Variants in CLCN3 observed in about 807,000 individuals in gnomAD.
CLCN3 encodes the protein Cl-/H+ antiporter 3, also known as H(+)/Cl(-) exchange transporter 3.
In CLCN3, 16 loss-of-function variants were observed where a neutral mutation model predicts 83.4. That is an observed-to-expected ratio of 0.19 (90% confidence interval 0.13 to 0.29). CLCN3 has a LOEUF of 0.29. CLCN3 is among the 10% of genes least tolerant of loss of function. The pLI is 1.00. For missense variants in CLCN3, 544 were observed against 1,006.0 expected (o/e 0.54, Z 6.21); for synonymous variants, 322 against 346.2 (o/e 0.93, Z 0.78).
intron 1 of CLCN3, among the ~76,000 whole-genome samples, chr4:169,624,280 C>T (rs113841075): frequency 0.074 from 11,198 of 152,126 alleles, 466 homozygotes; most frequent in African/African-American, 0.12. Flanking sequence ...ATTACAGGCA[C>T]GCGCCACCAC....
Position 169,684,720 on chromosome 4 carries a change from A to T in CLCN3, c.319-2938A>T, listed in dbSNP as rs550928737. The stretch of plus-strand genomic sequence containing the variant: ...GTTTCTAGCCTCCTAAGTTTATATG[A>T]CTGTACTAATTTGAATTCATAACTA... On this transcript the variant is annotated intron_variant, in intron 3 of 12. Transcript: ENST00000513761. 9.5e-4 allele frequency among the ~76,000 whole-genome samples: 144 copies of T among 152,310 alleles called. 1 individual carries two copies. The highest frequency in any genetic ancestry group is 3.3e-3 in the African/African-American group (139 of 41,576).
intron 11 of CLCN3, among the ~76,000 whole-genome samples, chr4:169,710,879 G>C (rs1733186875): frequency 6.6e-6 from 1 of 151,976 alleles, no homozygotes; most frequent in Admixed American, 6.5e-5. Flanking sequence ...TACTGTTTTA[G>C]AGATGAGGTC....
intron 4 of CLCN3, among the ~76,000 whole-genome samples, chr4:169,687,991 A>C (rs1238539263): frequency 6.6e-6 from 1 of 152,218 alleles, no homozygotes; most frequent in African/African-American, 2.4e-5. Context: ...CTCAGTTTCT[A>C]TATCTGTAAA....
intron 1 of CLCN3, among the ~76,000 whole-genome samples, chr4:169,629,472 G>T (rs1773314577): frequency 6.6e-6 from 1 of 152,034 alleles, no homozygotes; most frequent in Non-Finnish European, 1.5e-5. Flanking sequence ...CTGGGCTCAA[G>T]TGATTCTTCT....
intron 2 of CLCN3, chr4:169,663,158 T>TA (rs1731118065): frequency 9.4e-6 from 1 of 106,454 alleles, no homozygotes; most frequent in Non-Finnish European, 1.8e-5. Flanking sequence ...TGTATATATA[T>TA]GTGTGTGTGT....
rs761593001 is a variant in CLCN3 at position 169,662,304 on chromosome 4, T to C, written c.161-17746T>C. 9.4e-4 allele frequency among the ~76,000 whole-genome samples: 143 copies of C among 152,334 alleles called. 1 individual carries two copies. Among genetic ancestry groups the C allele is most frequent in the Non-Finnish European group, 1.9e-3 (130 of 68,006 alleles). On this transcript the variant is annotated intron_variant, in intron 2 of 12. Coordinates refer to ENST00000513761, the MANE Select transcript of CLCN3 (RefSeq NM_001829.4). ...GACTTATTCTATTAATATAAGTCAT[T>C]GTTATTTGAAAGTAACATTGTGTAT... is the stretch of plus-strand genomic sequence containing the variant.
intron 1 of CLCN3, among the ~76,000 whole-genome samples, chr4:169,632,792 A>T (rs2150200450): frequency 6.7e-6 from 1 of 150,324 alleles, no homozygotes; most frequent in Admixed American, 6.7e-5. Context: ...TTTCTGCTAT[A>T]TTAAAGAGTT....
chr4:169,708,549 T>C (rs963631449), intron 11 of CLCN3, among the ~76,000 whole-genome samples: 2 of 152,164 alleles, frequency 1.3e-5, no homozygotes, highest in African/African-American at 2.4e-5. Context: ...AATTTCATTG[T>C]TTAAGATTCC....
chr4:169,654,692 TA>T (rs1292422147), intron 2 of CLCN3, among the ~76,000 whole-genome samples: 1 of 152,184 alleles, frequency 6.6e-6, no homozygotes, highest in Non-Finnish European at 1.5e-5. Context: ...TTTATAACAT[TA>T]TTGCATCGCG....
chr4:169,692,817 C>G (rs1732421042), intron 7 of CLCN3, among the ~76,000 whole-genome samples: 3 of 152,166 alleles, frequency 2.0e-5, no homozygotes, highest in Admixed American at 2.0e-4. Context: ...ATCAGAAATT[C>G]ACATTAAAGA....
intron 11 of CLCN3, among the ~76,000 whole-genome samples, chr4:169,707,976 C>T (rs774092461): frequency 3.4e-4 from 52 of 152,154 alleles, no homozygotes; most frequent in Admixed American, 1.8e-3. Context: ...GATGAGGAGA[C>T]CATTAAGACT....
chr4:169,691,188 T>TG (rs1313032303), intron 6 of CLCN3, among the ~76,000 whole-genome samples: 1 of 151,758 alleles, frequency 6.6e-6, no homozygotes, highest in African/African-American at 2.4e-5. Context: ...TTTGTTTGTT[T>TG]TTTTTTTTTA....
chr4:169,686,108 G>T (rs1201241515), intron 3 of CLCN3, among the ~76,000 whole-genome samples: 1 of 152,056 alleles, frequency 6.6e-6, no homozygotes, highest in African/African-American at 2.4e-5. Context: ...TCACTCATAG[G>T]TGGGAATTGA....
intron 5 of CLCN3, 117 bp downstream of exon 5, chr4:169,689,347 A>G: frequency 1.3e-6 from 1 of 767,174 alleles, no homozygotes. Flanking sequence ...AAATGGATCC[A>G]CCCTCAACAC....
chr4:169,709,579 G>C (rs1443418956), intron 11 of CLCN3, among the ~76,000 whole-genome samples: 1 of 151,824 alleles, frequency 6.6e-6, no homozygotes, highest in African/African-American at 2.4e-5. Flanking sequence ...CAGCTACTTG[G>C]GAGGCTGAGG....
chr4:169,713,691 T>TTA (rs1488859012), intron 12 of CLCN3, among the ~76,000 whole-genome samples: 5 of 152,192 alleles, frequency 3.3e-5, no homozygotes, highest in Admixed American at 6.5e-5. Flanking sequence ...TCTAGTACAA[T>TTA]AATAAGTTTC....
intron 9 of CLCN3, among the ~76,000 whole-genome samples, chr4:169,702,319 T>C (rs1732820412): frequency 1.3e-5 from 2 of 152,134 alleles, no homozygotes; most frequent in Admixed American, 1.3e-4. Context: ...CCATAGGAAA[T>C]GCATTTCTTC....
intron 8 of CLCN3, among the ~76,000 whole-genome samples, chr4:169,696,187 T>G (rs1220788710): frequency 6.6e-6 from 1 of 152,166 alleles, no homozygotes; most frequent in African/African-American, 2.4e-5. Flanking sequence ...CCTCCAGGGT[T>G]CAAGTGATTC....
In CLCN3 at chr4:169,709,022, T is replaced by TA. The variant is rs1247763841; in HGVS notation, c.2149+1763dup. Among the ~76,000 whole-genome samples, 7 of 148,226 alleles carry TA rather than the reference T, an allele frequency of 4.7e-5. 1 individual carries two copies. Among genetic ancestry groups the TA allele is most frequent in the Admixed American group, 3.4e-4 (5 of 14,796 alleles). ...GAGATATATATTTCTATATCCTCTA[T>TA]AAAAAAACATATCTATATATGAAAA... On this transcript the variant is annotated intron_variant, in intron 11 of 12. Transcript: ENST00000513761.
Sources: gnomAD v4.1 joint callset for allele counts (sites outside exome capture counted in the v4.1 genomes callset) on GRCh38, gnomAD v4.1.1 for gene constraint, MANE v1.5 for transcripts, NCBI Gene and HGNC (gene_info 2026-07-23, HGNC 2026-07-21) for gene names.